SLC9A9: variants seen among roughly 807,000 people sequenced by gnomAD.
The protein encoded by SLC9A9 is sodium/hydrogen exchanger 9.
Under a neutral mutation model 77.8 loss-of-function variants are expected in SLC9A9, and 62 were observed. The observed-to-expected ratio is 0.80, with a 90% CI of 0.65 to 0.98. The LOEUF (loss-of-function observed/expected upper bound fraction) is 0.98. Ranked by LOEUF, SLC9A9 falls within the 50% of genes least tolerant of loss-of-function variation. SLC9A9 has a pLI of 0.00. For synonymous variants in SLC9A9, 320 were observed against 283.5 expected (o/e 1.13, Z -1.29); for missense variants, 775 against 774.9 (o/e 1.00, Z 0.00).
intron 4 of SLC9A9, among the ~76,000 whole-genome samples, chr3:143,714,219 G>T (rs1934272578): frequency 6.6e-6 from 1 of 152,068 alleles, no homozygotes; most frequent in Non-Finnish European, 1.5e-5. Flanking sequence ...TAACACGAAG[G>T]ATCCTTTTCT....
chr3:143,655,341 A>T (rs1385519734), intron 5 of SLC9A9, among the ~76,000 whole-genome samples: 1 of 152,222 alleles, frequency 6.6e-6, no homozygotes, highest in East Asian at 1.9e-4. Flanking sequence ...CCAAGGCAGG[A>T]CTAAAAGTCA....
At chr3:143,610,032 C>A (rs2037997073) in intron 6 of SLC9A9, among the ~76,000 whole-genome samples, 1 of 152,146 alleles carries the variant, frequency 6.6e-6, no homozygotes, top group Non-Finnish European at 1.5e-5. Context: ...ATAAATCTGC[C>A]AGCCCCTTCC....
intron 4 of SLC9A9, among the ~76,000 whole-genome samples, chr3:143,786,547 T>C: frequency 6.6e-6 from 1 of 152,166 alleles, no homozygotes. Context: ...ATCTCCACAG[T>C]CCTCTCCATT....
intron 9 of SLC9A9, among the ~76,000 whole-genome samples, chr3:143,525,571 T>C (rs941232711): frequency 6.6e-6 from 1 of 152,200 alleles, no homozygotes; most frequent in African/African-American, 2.4e-5. Flanking sequence ...CCTGGGGAAG[T>C]ATTTCATCAT....
At chr3:143,392,694 T>G (rs2033602479) in intron 12 of SLC9A9, among the ~76,000 whole-genome samples, 1 of 152,166 alleles carries the variant, frequency 6.6e-6, no homozygotes, top group African/African-American at 2.4e-5. Context: ...GTGTGCTGTA[T>G]TCAGGAGACC....
intron 1 of SLC9A9, among the ~76,000 whole-genome samples, chr3:143,846,179 T>C (rs775969173): frequency 2.6e-5 from 4 of 152,196 alleles, no homozygotes; most frequent in Non-Finnish European, 5.9e-5. Context: ...ATCAAAACTT[T>C]TACGAAAACA....
At chr3:143,327,758 C>G (rs914271127) in intron 14 of SLC9A9, among the ~76,000 whole-genome samples, 1 of 152,176 alleles carries the variant, frequency 6.6e-6, no homozygotes, top group Non-Finnish European at 1.5e-5. Context: ...ACTTCAAAAT[C>G]TTGATGAATG....
intron 11 of SLC9A9, among the ~76,000 whole-genome samples, chr3:143,481,813 G>A (rs998585315): frequency 1.3e-5 from 2 of 152,304 alleles, no homozygotes; most frequent in African/African-American, 4.8e-5. Context: ...ATTACTGTGG[G>A]ACGGTCCTGG....
chr3:143,564,124 C>T (rs1041290715), intron 8 of SLC9A9, among the ~76,000 whole-genome samples: 15 of 152,192 alleles, frequency 9.9e-5, no homozygotes, highest in Admixed American at 2.6e-4. Context: ...TTCTCACTTA[C>T]GAATAAATGT....
At chr3:143,513,352 T>C (rs1324475422) in intron 9 of SLC9A9, among the ~76,000 whole-genome samples, 3 of 152,218 alleles carry the variant, frequency 2.0e-5, no homozygotes, top group East Asian at 3.8e-4. Context: ...TCGTTGCTCA[T>C]CCATAAGAAA....
At chr3:143,512,736 C>T (rs557503874) in intron 9 of SLC9A9, among the ~76,000 whole-genome samples, 90 of 152,158 alleles carry the variant, frequency 5.9e-4, no homozygotes, top group Admixed American at 1.0e-3. Context: ...ATCAGCTGGT[C>T]GTGGTGGTGG....
At chr3:143,552,805 T>C (rs2036915861) in intron 8 of SLC9A9, among the ~76,000 whole-genome samples, 1 of 152,220 alleles carries the variant, frequency 6.6e-6, no homozygotes, top group Admixed American at 6.5e-5. Flanking sequence ...CAGTGCCAAC[T>C]ACTTTGCTGG....
chr3:143,534,406 C>T (rs1294535945), intron 9 of SLC9A9, among the ~76,000 whole-genome samples: 2 of 152,196 alleles, frequency 1.3e-5, no homozygotes, highest in East Asian at 3.8e-4. Flanking sequence ...CTCAAAATGG[C>T]TGCCCAGAAG....
At chr3:143,768,358 C>A (rs529847235) in intron 4 of SLC9A9, among the ~76,000 whole-genome samples, 1 of 152,324 alleles carries the variant, frequency 6.6e-6, no homozygotes, top group Admixed American at 6.5e-5. Flanking sequence ...ATCTTCACAA[C>A]AACCTACCCT....
At chr3:143,795,856 T>C (rs2008371005) in intron 3 of SLC9A9, among the ~76,000 whole-genome samples, 1 of 152,236 alleles carries the variant, frequency 6.6e-6, no homozygotes, top group South Asian at 2.1e-4. Context: ...TCCAGCCTTC[T>C]AAATTTTTTC....
intron 2 of SLC9A9, among the ~76,000 whole-genome samples, chr3:143,825,767 T>C (rs1342340690): frequency 6.6e-6 from 1 of 152,214 alleles, no homozygotes; most frequent in Non-Finnish European, 1.5e-5. Context: ...TGCATTACAG[T>C]CAACTTATCT....
rs987788930 is a variant in SLC9A9 at position 143,282,376 on chromosome 3, A to G, written c.1605-13396T>C. Among the ~76,000 whole-genome samples the G allele has an allele frequency of 3.9e-5, 6 of 152,166 alleles. No individual in the cohort carries two copies. In the East Asian group the frequency reaches 7.7e-4, roughly 20 times the overall value. ...ATACTTTACAGACTTTTATCTTTGC[A>G]TGTTTTGTTCCTATTACCAGAAATG... On this transcript the variant is annotated intron_variant, in intron 14 of 15. Coordinates refer to ENST00000316549, the MANE Select transcript of SLC9A9 (RefSeq NM_173653.4).
chr3:143,456,842 C>T (rs909991311), intron 12 of SLC9A9, among the ~76,000 whole-genome samples: 7 of 152,268 alleles, frequency 4.6e-5, no homozygotes, highest in Admixed American at 6.5e-5. Context: ...GGATTATAGG[C>T]GTGAGCCACT....
intron 5 of SLC9A9, among the ~76,000 whole-genome samples, chr3:143,685,522 C>T (rs989379415): frequency 1.3e-5 from 2 of 152,208 alleles, no homozygotes; most frequent in Non-Finnish European, 2.9e-5. Flanking sequence ...CAAAATAGTG[C>T]AGCTGTATTT....
Sources: gnomAD v4.1 joint callset for allele counts (sites outside exome capture counted in the v4.1 genomes callset) on GRCh38, gnomAD v4.1.1 for gene constraint, MANE v1.5 for transcripts, NCBI Gene and HGNC (gene_info 2026-07-23, HGNC 2026-07-21) for gene names.